Variants in HMCN1 observed in about 807,000 individuals in gnomAD.
The protein encoded by HMCN1 is hemicentin 1.
In HMCN1, 321 loss-of-function variants were observed where a neutral mutation model predicts 625.9. The observed-to-expected ratio is 0.51, with a 90% CI of 0.47 to 0.56. HMCN1 has a LOEUF of 0.56. Among genes scored for constraint, HMCN1 ranks in the 20% least tolerant of loss-of-function variants. The pLI, the probability that HMCN1 is intolerant of heterozygous loss-of-function variation, is 0.00. For missense variants in HMCN1, 6,588 were observed against 6,887.3 expected (o/e 0.96, Z 1.54); for synonymous variants, 2,425 against 2,417.6 (o/e 1.00, Z -0.09).
chr1:186,124,518 C>T (rs1008540312), intron 81 of HMCN1, among the ~76,000 whole-genome samples: 26 of 151,824 alleles, frequency 1.7e-4, no homozygotes, highest in African/African-American at 6.0e-4. Flanking sequence ...GAAAATAGAG[C>T]AAGAATTAAT....
rs2102252217 is a variant in HMCN1, at chr1:186,045,849, A to G, written c.6466A>G (p.Arg2156Gly). ...ACCAGGCCTCAGTATATCTGAAAAT[A>G]GAAGTGTGTTAAAGGTAAGGATATG... ...KKPGLSISEN[R>G]SVLKIEDAQV... The change falls in exon 41 of 107, where the codon AGA becomes GGA. Residue 2156 changes from arginine to glycine, a missense_variant. By Grantham distance (125) the Arg-to-Gly change is moderately radical. Around this residue, in one of 3 missense-constraint regions of HMCN1, gnomAD observed 4,628 missense variants for 4,853.1 expected, o/e 0.95. Transcript: ENST00000271588. 6.2e-7 allele frequency: 1 copy of G among 1,611,454 alleles called. No individual in the cohort carries two copies. The highest frequency in any genetic ancestry group is 8.5e-7 in the Non-Finnish European group (1 of 1,177,766).
intron 11 of HMCN1, among the ~76,000 whole-genome samples, chr1:185,950,825 T>C (rs1308958146): frequency 6.6e-6 from 1 of 151,836 alleles, no homozygotes; most frequent in Non-Finnish European, 1.5e-5. Flanking sequence ...GTATTGAGGA[T>C]AGGAGAGTAT....
chr1:186,092,684 A>T (rs893693101), intron 64 of HMCN1, among the ~76,000 whole-genome samples: 5 of 152,006 alleles, frequency 3.3e-5, no homozygotes, highest in Admixed American at 1.3e-4. Flanking sequence ...ATAGCCACAT[A>T]TGATACCAAA....
intron 33 of HMCN1, 70 bp from the exon 34 acceptor site, chr1:186,018,113 C>G (rs148674623): frequency 3.1e-6 from 4 of 1,296,388 alleles, no homozygotes; most frequent in Non-Finnish European, 4.5e-6. Flanking sequence ...ACAATAGAAA[C>G]TTTATATATC....
intron 11 of HMCN1, among the ~76,000 whole-genome samples, chr1:185,937,437 G>A (rs191135654): frequency 4.6e-5 from 7 of 152,254 alleles, no homozygotes; most frequent in African/African-American, 1.7e-4. Flanking sequence ...GGGTATTAAT[G>A]TTTTCATGTG....
At chr1:185,780,737 G>A (rs4515745) in intron 1 of HMCN1, among the ~76,000 whole-genome samples, 34,902 of 152,144 alleles carry the variant, frequency 0.23, 4,380 homozygotes, top group Non-Finnish European at 0.28. Context: ...ATGTGCTGCT[G>A]GATTCGGTTT....
chr1:186,041,983 CTCTTA>C (rs1179434236), intron 40 of HMCN1, among the ~76,000 whole-genome samples: 9 of 152,194 alleles, frequency 5.9e-5, no homozygotes, highest in East Asian at 1.9e-4. Flanking sequence ...ATGTTGTCTT[CTCTTA>C]TAAGTTTGCC....
chr1:185,866,597 G>A (rs1308414510), intron 4 of HMCN1, among the ~76,000 whole-genome samples: 2 of 151,268 alleles, frequency 1.3e-5, no homozygotes, highest in Non-Finnish European at 2.9e-5. Context: ...TAGTAGAGAC[G>A]GGGTTTCACC....
intron 6 of HMCN1, among the ~76,000 whole-genome samples, chr1:185,913,682 G>T (rs1429410560): frequency 6.6e-6 from 1 of 152,062 alleles, no homozygotes; most frequent in Non-Finnish European, 1.5e-5. Context: ...ATTTGGACTG[G>T]TACCAGTGGT....
intron 11 of HMCN1, among the ~76,000 whole-genome samples, chr1:185,946,243 G>A (rs1176849402): frequency 1.3e-5 from 2 of 152,118 alleles, no homozygotes; most frequent in Non-Finnish European, 2.9e-5. Context: ...AGATTTTTTA[G>A]TCTTTCCTTC....
At chr1:185,931,975 T>C (rs1667574172) in intron 10 of HMCN1, among the ~76,000 whole-genome samples, 1 of 152,186 alleles carries the variant, frequency 6.6e-6, no homozygotes, top group African/African-American at 2.4e-5. Flanking sequence ...AAATTAAAAA[T>C]ACAGGATGCC....
intron 1 of HMCN1, among the ~76,000 whole-genome samples, chr1:185,828,880 A>G (rs910749092): frequency 4.6e-5 from 7 of 152,162 alleles, no homozygotes; most frequent in African/African-American, 1.7e-4. Flanking sequence ...GAAGAAAAGT[A>G]TACCCTTAGT....
chr1:186,005,948 C>G (rs1571703727), intron 29 of HMCN1, among the ~76,000 whole-genome samples: 1 of 152,124 alleles, frequency 6.6e-6, no homozygotes, highest in East Asian at 1.9e-4. Context: ...CCAGCTTGGC[C>G]AACATGGTGA....
At chr1:186,109,211 G>A (rs538176118) in intron 71 of HMCN1, among the ~76,000 whole-genome samples, 8 of 152,038 alleles carry the variant, frequency 5.3e-5, no homozygotes, top group South Asian at 2.1e-4. Context: ...TTTCTTCTTC[G>A]TTCTTCCTCA....
chr1:185,946,935 G>A (rs1668378686), intron 11 of HMCN1, among the ~76,000 whole-genome samples: 1 of 152,152 alleles, frequency 6.6e-6, no homozygotes, highest in African/African-American at 2.4e-5. Flanking sequence ...GCCATTAAGA[G>A]TCTGTCATTA....
intron 36 of HMCN1, among the ~76,000 whole-genome samples, chr1:186,031,206 T>TAGGA: frequency 6.6e-6 from 1 of 152,178 alleles, no homozygotes; most frequent in Admixed American, 6.5e-5. Flanking sequence ...GAATTCTTCC[T>TAGGA]AGAATTCATT....
chr1:186,058,681 A>G (rs1657502134), intron 46 of HMCN1, among the ~76,000 whole-genome samples: 1 of 151,996 alleles, frequency 6.6e-6, no homozygotes, highest in African/African-American at 2.4e-5. Flanking sequence ...TCTGAATATA[A>G]ACAACTTAAA....
chr1:185,969,015 C>G (rs1558103873), intron 14 of HMCN1, among the ~76,000 whole-genome samples: 1 of 151,966 alleles, frequency 6.6e-6, no homozygotes, highest in Non-Finnish European at 1.5e-5. Flanking sequence ...AAGCTACTAG[C>G]AAAAAAGTCT....
intron 4 of HMCN1, among the ~76,000 whole-genome samples, chr1:185,879,087 A>G (rs12239929): frequency 0.072 from 10,963 of 152,174 alleles, 1,355 homozygotes; most frequent in African/African-American, 0.25. Flanking sequence ...AGTTGGTAAA[A>G]TGCTTTCCAT....
Sources: gnomAD v4.1 joint callset for allele counts (sites outside exome capture counted in the v4.1 genomes callset) on GRCh38, gnomAD v4.1.1 for gene constraint, gnomAD v4.1.1 regional missense constraint, MANE v1.5 for transcripts, NCBI Gene and HGNC (gene_info 2026-07-23, HGNC 2026-07-21) for gene names.